The following KCNJ15 variants were observed in gnomAD, a reference collection of about 807,000 sequenced individuals.
KCNJ15 encodes ATP-sensitive inward rectifier potassium channel 15.
Under a neutral mutation model 23.0 loss-of-function variants are expected in KCNJ15, and 14 were observed. That is an observed-to-expected ratio of 0.61 (90% CI 0.40 to 0.95). The LOEUF is 0.95. Ranked by LOEUF, KCNJ15 falls within the 40% of genes least tolerant of loss-of-function variation. The pLI is 0.00. For missense variants in KCNJ15, 388 were observed against 461.8 expected (o/e 0.84, Z 1.46); for synonymous variants, 185 against 183.2 (o/e 1.01, Z -0.08).
intron 1 of KCNJ15, among the ~76,000 whole-genome samples, chr21:38,271,312 G>A (rs986774328): frequency 6.6e-6 from 1 of 152,208 alleles, no homozygotes; most frequent in Non-Finnish European, 1.5e-5. Flanking sequence ...TGGGTCATTT[G>A]CCGGAGGTTT....
In KCNJ15 at chr21:38,301,751, C is replaced by T. The variant is rs1360647267; in HGVS notation, c.*1362C>T. 6.0e-6 allele frequency: 1 copy of T among 166,998 alleles called. No homozygotes were observed. Among genetic ancestry groups the T allele is most frequent in the African/African-American group, 2.4e-5 (1 of 41,402 alleles). 10.3% of individuals were successfully genotyped at this position (166,998 alleles called of 1,614,324 possible). On this transcript the variant is annotated 3_prime_UTR_variant, in exon 3 of 3. Transcript: ENST00000398938. Reference sequence around the variant, plus strand: ...CAAGAGGTAACATTTTGCCCCGGGCCAAATTCAGGGGTCTAGTGCCCTGCA... The same window carrying T: ...CAAGAGGTAACATTTTGCCCCGGGCTAAATTCAGGGGTCTAGTGCCCTGCA...
chr21:38,247,356 GGA>G (rs1979486180), intron 1 of KCNJ15, among the ~76,000 whole-genome samples: 1 of 151,296 alleles, frequency 6.6e-6, no homozygotes, highest in Non-Finnish European at 1.5e-5. Flanking sequence ...ATAGGTGGAT[GGA>G]TGGATGGATG....
chr21:38,300,122 G>A lies in KCNJ15; in HGVS notation c.861G>A (p.Val287=). ...TTGTGGTCCTCCTCAATGCCACTGT[G>A]GAATCCACCAGCGCTGTCTGCCAGA... is the stretch of plus-strand genomic sequence containing the variant. ...FELVVLLNAT[V]ESTSAVCQSR... Residue 287 remains valine, a synonymous_variant, in exon 3 of 3, where the codon GTG becomes GTA. Transcript: ENST00000398938. 1 of 1,614,148 alleles carries A rather than the reference G, an allele frequency of 6.2e-7. No individual in the cohort carries two copies. Among genetic ancestry groups the A allele is most frequent in the Non-Finnish European group, 8.5e-7 (1 of 1,180,024 alleles).
chr21:38,232,310 G>A (rs572095135), intron 1 of KCNJ15, among the ~76,000 whole-genome samples: 10 of 151,296 alleles, frequency 6.6e-5, no homozygotes, highest in African/African-American at 2.2e-4. Context: ...TTTAATTCTC[G>A]ATTTTAATAA....
chr21:38,249,955 G>T (rs1286141058), intron 1 of KCNJ15, among the ~76,000 whole-genome samples: 1 of 152,166 alleles, frequency 6.6e-6, no homozygotes, highest in African/African-American at 2.4e-5. Context: ...CCTGTGCATT[G>T]CTAGGGCTGA....
chr21:38,300,039 G>A lies in KCNJ15; in HGVS notation c.778G>A (p.Glu260Lys), dbSNP rs1006346447. 4 of 1,613,968 alleles carry A rather than the reference G, an allele frequency of 2.5e-6. No homozygotes were observed. The South Asian group carries it at 4.4e-5, about 18-fold the overall frequency. The change falls in exon 3 of 3, where the codon GAG becomes AAG. Residue 260 changes from glutamate to lysine, a missense_variant. Physicochemically the swap from Glu to Lys is moderately conservative, Grantham distance 56 (BLOSUM62 1). Transcript: ENST00000398938. ...LPMTFYHVLDETSPLRDLTPQ... is the reference protein window; with the variant it reads ...LPMTFYHVLDKTSPLRDLTPQ... The stretch of plus-strand genomic sequence containing the variant: ...CATGACATTCTACCATGTGCTGGAT[G>A]AGACGAGCCCCCTGAGAGACCTCAC...
At chr21:38,262,002 C>A (rs894644732) in intron 1 of KCNJ15, among the ~76,000 whole-genome samples, 2 of 152,162 alleles carry the variant, frequency 1.3e-5, no homozygotes, top group African/African-American at 4.8e-5. Context: ...GCCTACCAAG[C>A]CAAATAATGT....
chr21:38,258,852 G>T (rs1197361628), intron 1 of KCNJ15, among the ~76,000 whole-genome samples: 1 of 152,074 alleles, frequency 6.6e-6, no homozygotes. Flanking sequence ...CAGTGTTTTG[G>T]GGGGAAAGAG....
At chr21:38,237,611 G>C (rs999284516) in intron 1 of KCNJ15, among the ~76,000 whole-genome samples, 2 of 152,148 alleles carry the variant, frequency 1.3e-5, no homozygotes, top group African/African-American at 2.4e-5. Flanking sequence ...GTGAGCGGGG[G>C]GGCAGGCAGC....
At chr21:38,272,556 A>T (rs1982219148) in intron 1 of KCNJ15, 1 of 152,412 alleles carries the variant, frequency 6.6e-6, no homozygotes, top group Non-Finnish European at 1.5e-5. Flanking sequence ...CCTGGACTCA[A>T]GGTAAGGCCC....
intron 1 of KCNJ15, among the ~76,000 whole-genome samples, chr21:38,260,209 T>G (rs973429318): frequency 2.0e-5 from 3 of 152,172 alleles, no homozygotes; most frequent in Non-Finnish European, 4.4e-5. Flanking sequence ...TAGATATTTC[T>G]GATAAAAAGG....
rs1456450268 is a variant in KCNJ15 at position 38,305,291 on chromosome 21, T to C, written c.*4902T>C. On this transcript the variant is annotated 3_prime_UTR_variant, in exon 3 of 3. Coordinates refer to ENST00000398938, the MANE Select transcript of KCNJ15 (RefSeq NM_170736.3). ...AATAGATTGGTGGGTTAAAAAATAA[T>C]CAATTCAAATTCAAATTAGGAATTT... 1 of 152,108 alleles carries C rather than the reference T, an allele frequency of 6.6e-6. No individual in the cohort carries two copies. Among genetic ancestry groups the C allele is most frequent in the Admixed American group, 6.6e-5 (1 of 15,246 alleles). 9.4% of individuals were successfully genotyped at this position (152,108 alleles called of 1,614,324 possible).
At chr21:38,256,784 G>A (rs1980278044), upstream of KCNJ15, 1 of 152,094 alleles carries the variant, frequency 6.6e-6, no homozygotes, top group South Asian at 2.1e-4. Context: ...AGAATCCTGT[G>A]CTGGTTTGTA....
intron 1 of KCNJ15, among the ~76,000 whole-genome samples, chr21:38,234,403 G>A (rs1446963548): frequency 6.6e-6 from 1 of 152,150 alleles, no homozygotes; most frequent in Non-Finnish European, 1.5e-5. Context: ...ACACAATATA[G>A]AAAAATGATT....
intron 1 of KCNJ15, among the ~76,000 whole-genome samples, chr21:38,264,255 A>T (rs992935690): frequency 2.0e-5 from 3 of 152,152 alleles, no homozygotes; most frequent in African/African-American, 7.2e-5. Context: ...CCCTTTATGT[A>T]TAATTTGTTT....
intron 1 of KCNJ15, among the ~76,000 whole-genome samples, chr21:38,246,950 G>A (rs1172394532): frequency 6.6e-6 from 1 of 152,222 alleles, no homozygotes; most frequent in Non-Finnish European, 1.5e-5. Context: ...TGAATTTTAA[G>A]AGAGAGGAAA....
chr21:38,277,403 G>A (rs1353168193), intron 1 of KCNJ15, among the ~76,000 whole-genome samples: 5 of 152,156 alleles, frequency 3.3e-5, no homozygotes, highest in Non-Finnish European at 2.9e-5. Flanking sequence ...CGTGCGTTTA[G>A]GGGCGAGTCA....
At chr21:38,252,526 A>G (rs1979908452), upstream of KCNJ15, among the ~76,000 whole-genome samples, 1 of 152,224 alleles carries the variant, frequency 6.6e-6, no homozygotes, top group South Asian at 2.1e-4. Flanking sequence ...TTGACATGAT[A>G]CCAATAACAA....
chr21:38,300,032 GCT>G lies in KCNJ15; in HGVS notation c.772_773del (p.Leu258GlyfsTer2). On this transcript the variant is annotated frameshift_variant, in exon 3 of 3. Coordinates refer to ENST00000398938, the MANE Select transcript of KCNJ15 (RefSeq NM_170736.3). LOFTEE classifies it high-confidence loss of function. ...TTCTGCCCATGACATTCTACCATGT[GCT>G]GGATGAGACGAGCCCCCTGAGAGAC... ...LILPMTFYHV[L>X]DETSPLRDLT... 1 of 1,614,044 alleles carries G rather than the reference GCT, an allele frequency of 6.2e-7. No homozygotes were observed. The highest frequency in any genetic ancestry group is 8.5e-7 in the Non-Finnish European group (1 of 1,180,028).
Sources: allele counts gnomAD v4.1 joint callset (sites outside exome capture counted in the v4.1 genomes callset), GRCh38; gene constraint gnomAD v4.1.1; transcripts MANE v1.5; gene names NCBI Gene and HGNC (gene_info 2026-07-23, HGNC 2026-07-21).